SFI1: variants seen among roughly 807,000 people sequenced by gnomAD.
SFI1 encodes SFI1 centrin binding protein, also known as protein SFI1 homolog.
Under a neutral mutation model 207.5 loss-of-function variants are expected in SFI1, and 195 were observed. The observed-to-expected ratio is 0.94, with a 90% CI of 0.84 to 1.06. The LOEUF is 1.06. Ranked by LOEUF, SFI1 falls within the 50% of genes least tolerant of loss-of-function variation. The pLI is 0.00. For synonymous variants in SFI1, 630 were observed against 598.9 expected (o/e 1.05, Z -0.76); for missense variants, 1,634 against 1,588.0 (o/e 1.03, Z -0.49).
Position 31,602,636 on chromosome 22 carries a change from G to C in SFI1, c.1656G>C (p.Leu552=). 6.2e-7 allele frequency: 1 copy of C among 1,614,202 alleles called. No homozygotes were observed. Among genetic ancestry groups the C allele is most frequent in the Non-Finnish European group, 8.5e-7 (1 of 1,180,054 alleles). ...MAILHAERQL[L]YRSWFMWHQQ... ...TCCTTCACGCAGAGCGACAGCTTCT[G>C]TATAGGTCTTGGTTCATGTGGCACC... is the stretch of plus-strand genomic sequence containing the variant. The change falls in exon 17 of 33, where the codon CTG becomes CTC. Residue 552 remains leucine, a synonymous_variant. Transcript: ENST00000400288.
chr22:31,557,366 T>A (rs953221881), intron 7 of SFI1, among the ~76,000 whole-genome samples: 9 of 152,018 alleles, frequency 5.9e-5, no homozygotes, highest in Admixed American at 2.6e-4. Context: ...TTTTTCATTT[T>A]TTTGTAGAGG....
intron 10 of SFI1, among the ~76,000 whole-genome samples, chr22:31,577,259 A>T (rs1352807156): frequency 6.6e-6 from 1 of 152,182 alleles, no homozygotes; most frequent in African/African-American, 2.4e-5. Context: ...ATAGGAGATG[A>T]GAAGTTGGGA....
intron 2 of SFI1, among the ~76,000 whole-genome samples, chr22:31,520,378 A>G (rs530778958): frequency 3.3e-5 from 5 of 152,232 alleles, no homozygotes; most frequent in African/African-American, 1.2e-4. Flanking sequence ...GAGCAGGATT[A>G]TAAGCTACTT....
intron 2 of SFI1, among the ~76,000 whole-genome samples, chr22:31,508,621 A>C (rs2055021432): frequency 1.3e-5 from 2 of 152,200 alleles, no homozygotes; most frequent in Admixed American, 6.5e-5. Flanking sequence ...TTCTGAGCAG[A>C]AGTGAGTATT....
chr22:31,604,123 T>C (rs1482075821), intron 18 of SFI1, among the ~76,000 whole-genome samples, 186 bp from the exon 19 acceptor site: 1 of 152,146 alleles, frequency 6.6e-6, no homozygotes, highest in East Asian at 1.9e-4. Context: ...TAATTGAGCT[T>C]TTACCGCAAA....
intron 2 of SFI1, among the ~76,000 whole-genome samples, chr22:31,515,193 A>C (rs1378216131): frequency 6.6e-6 from 1 of 152,052 alleles, no homozygotes; most frequent in Non-Finnish European, 1.5e-5. Context: ...GATTATGGGA[A>C]TCTTCAATTT....
chr22:31,542,930 G>C (rs1467439240), intron 4 of SFI1, among the ~76,000 whole-genome samples: 4 of 151,164 alleles, frequency 2.6e-5, no homozygotes, highest in Non-Finnish European at 4.4e-5. Context: ...CCAAAGTGCT[G>C]GGATTACACG....
intron 2 of SFI1, among the ~76,000 whole-genome samples, chr22:31,514,975 T>C (rs1347019100): frequency 6.6e-6 from 1 of 152,116 alleles, no homozygotes; most frequent in African/African-American, 2.4e-5. Context: ...TTTCACCATG[T>C]TGGCCAGGAT....
chr22:31,526,134 A>G (rs572028866), intron 2 of SFI1, among the ~76,000 whole-genome samples: 38 of 152,318 alleles, frequency 2.5e-4, no homozygotes, highest in Non-Finnish European at 4.4e-4. Flanking sequence ...GTAGTACTAG[A>G]TAATCTTATA....
intron 4 of SFI1, among the ~76,000 whole-genome samples, chr22:31,535,565 G>A (rs1050620800): frequency 7.9e-5 from 12 of 151,344 alleles, no homozygotes; most frequent in African/African-American, 1.7e-4. Context: ...GTGCAGTGGC[G>A]CGATCTTGGC....
intron 5 of SFI1, among the ~76,000 whole-genome samples, chr22:31,547,997 G>A (rs1007758975): frequency 6.6e-6 from 1 of 150,658 alleles, no homozygotes; most frequent in Non-Finnish European, 1.5e-5. Flanking sequence ...GGCGGATCAC[G>A]AGGTCAGGAG....
At chr22:31,562,983 T>TTATATATATATATATATATATATATA (rs56072629) in intron 8 of SFI1, among the ~76,000 whole-genome samples, 98 of 142,350 alleles carry the variant, frequency 6.9e-4, no homozygotes, top group Middle Eastern at 3.7e-3. Flanking sequence ...TCATCATCTT[T>TTATATATATATATATATATATATATA]TATATATATA....
At chr22:31,602,433 C>T (rs1603308834) in intron 16 of SFI1, 140 bp downstream of exon 16, 5 of 1,132,742 alleles carry the variant, frequency 4.4e-6, no homozygotes, top group Non-Finnish European at 5.2e-6. Flanking sequence ...AGGGCAGGCT[C>T]TGGGGCATCT....
At chr22:31,505,438 GAAAAAA>G (rs1181284197) in intron 1 of SFI1, among the ~76,000 whole-genome samples, 1 of 132,900 alleles carries the variant, frequency 7.5e-6, no homozygotes, top group Non-Finnish European at 1.7e-5. Context: ...GACTGTCTCG[GAAAAAA>G]AGAAAAAGAA....
chr22:31,611,702 G>T, intron 23 of SFI1, 64 bp from the exon 24 acceptor site: 1 of 1,526,382 alleles, frequency 6.6e-7, no homozygotes, highest in Non-Finnish European at 8.9e-7. Flanking sequence ...GTTAGATCAG[G>T]ACCCACCCCA....
intron 2 of SFI1, among the ~76,000 whole-genome samples, chr22:31,516,662 T>C (rs897651372): frequency 4.6e-5 from 7 of 151,684 alleles, no homozygotes; most frequent in Non-Finnish European, 1.0e-4. Context: ...CTACTAAAAA[T>C]TAAAAAGTCA....
At chr22:31,550,099 C>T (rs370939411) in intron 5 of SFI1, among the ~76,000 whole-genome samples, 155 bp from the exon 6 acceptor site, 2 of 151,766 alleles carry the variant, frequency 1.3e-5, no homozygotes, top group Admixed American at 6.6e-5. Context: ...ACCCGGCACA[C>T]GGTATTTTTA....
chr22:31,543,242 T>C (rs1194656485), intron 4 of SFI1, among the ~76,000 whole-genome samples: 1 of 152,188 alleles, frequency 6.6e-6, no homozygotes, highest in Non-Finnish European at 1.5e-5. Flanking sequence ...AGTGCTGGGA[T>C]TACAGGCGTG....
At chr22:31,563,004 T>TATATATATATATATATATATATA (rs1556015983) in intron 8 of SFI1, among the ~76,000 whole-genome samples, 4 of 150,286 alleles carry the variant, frequency 2.7e-5, no homozygotes, top group South Asian at 2.1e-4. Context: ...TATATATATG[T>TATATATATATATATATATATATA]TTTGAGACAG....
Sources: allele counts gnomAD v4.1 joint callset (sites outside exome capture counted in the v4.1 genomes callset), GRCh38; gene constraint gnomAD v4.1.1; transcripts MANE v1.5; gene names NCBI Gene and HGNC (gene_info 2026-07-23, HGNC 2026-07-21).